The following RUNX1T1 variants were observed in gnomAD, a reference collection of about 807,000 sequenced individuals.
RUNX1T1 encodes protein CBFA2T1.
Under a neutral mutation model 62.8 loss-of-function variants are expected in RUNX1T1, and 4 were observed. That is an observed-to-expected ratio of 0.06 (90% CI 0.03 to 0.15). RUNX1T1 has a LOEUF of 0.15. RUNX1T1 is among the 10% of genes least tolerant of loss of function. RUNX1T1 has a pLI of 1.00. For synonymous variants in RUNX1T1, 291 were observed against 286.0 expected (o/e 1.02, Z -0.18); for missense variants, 508 against 754.3 (o/e 0.67, Z 3.82).
upstream of RUNX1T1, among the ~76,000 whole-genome samples, chr8:92,064,361 G>A (rs1000617328): frequency 2.6e-5 from 4 of 152,078 alleles, no homozygotes; most frequent in Admixed American, 2.6e-4. Context: ...ATAGTATACT[G>A]CACCCTATTT....
At chr8:92,025,456 C>T (rs1449830639) in intron 1 of RUNX1T1, among the ~76,000 whole-genome samples, 1 of 152,188 alleles carries the variant, frequency 6.6e-6, no homozygotes, top group Non-Finnish European at 1.5e-5. Context: ...GGCTTTCATA[C>T]TCACTGCATC....
At chr8:92,054,318 G>A (rs2130448826) in intron 1 of RUNX1T1, among the ~76,000 whole-genome samples, 1 of 152,208 alleles carries the variant, frequency 6.6e-6, no homozygotes, top group Non-Finnish European at 1.5e-5. Flanking sequence ...ATCAAGCATA[G>A]GCAAAACTCA....
intron 1 of RUNX1T1, among the ~76,000 whole-genome samples, chr8:92,026,560 G>A (rs1237064922): frequency 6.6e-6 from 1 of 152,254 alleles, no homozygotes; most frequent in Non-Finnish European, 1.5e-5. Context: ...AGTGGCTCAT[G>A]CCTGTAATCC....
At chr8:92,054,492 T>TA in intron 1 of RUNX1T1, among the ~76,000 whole-genome samples, 1 of 152,292 alleles carries the variant, frequency 6.6e-6, no homozygotes, top group South Asian at 2.1e-4. Flanking sequence ...CTACAATCAC[T>TA]ATTGCCATCC....
At chr8:91,982,943 T>G (rs1185709754) in intron 8 of RUNX1T1, among the ~76,000 whole-genome samples, 14 of 143,076 alleles carry the variant, frequency 9.8e-5, no homozygotes, top group Non-Finnish European at 1.5e-5. Flanking sequence ...TTTTTTTTTT[T>G]TGGAGACAGA....
intron 4 of RUNX1T1, among the ~76,000 whole-genome samples, chr8:92,007,092 G>C (rs1466981554): frequency 2.6e-5 from 4 of 152,122 alleles, no homozygotes; most frequent in Non-Finnish European, 4.4e-5. Context: ...TCAGTAAAGA[G>C]AGAGCTTAGA....
At chr8:92,006,396 G>A (rs1395620667) in intron 4 of RUNX1T1, 1 of 152,098 alleles carries the variant, frequency 6.6e-6, no homozygotes, top group Non-Finnish European at 1.5e-5. Flanking sequence ...TTTGCAACTT[G>A]AAGATTTCAT....
At chr8:92,102,865 G>A (rs1156828164), upstream of RUNX1T1, 28 of 1,522,430 alleles carry the variant, frequency 1.8e-5, no homozygotes, top group Middle Eastern at 1.7e-4. This position sits in a 1 kb window ranked among gnomAD's most constrained non-coding sequence, Gnocchi z 4.5. Flanking sequence ...ACACTGCACA[G>A]GGCCGGAGAG....
chr8:91,978,984 A>G (rs1049339179), intron 8 of RUNX1T1, among the ~76,000 whole-genome samples: 65 of 152,232 alleles, frequency 4.3e-4, no homozygotes, highest in African/African-American at 1.5e-3. Context: ...CCTACCTTCT[A>G]AAAGACAGTT....
chr8:92,011,210 G>T, intron 3 of RUNX1T1, 119 bp from the exon 5 acceptor site: 2 of 603,838 alleles, frequency 3.3e-6, no homozygotes, highest in South Asian at 4.2e-5. Flanking sequence ...CATACTGACA[G>T]AAACCAGTAT....
At chr8:92,047,679 A>T (rs1473644535) in intron 1 of RUNX1T1, among the ~76,000 whole-genome samples, 1 of 152,014 alleles carries the variant, frequency 6.6e-6, no homozygotes, top group Non-Finnish European at 1.5e-5. Flanking sequence ...ATCATAACTG[A>T]GCTACAGGGT....
intron 1 of RUNX1T1, among the ~76,000 whole-genome samples, chr8:92,040,584 C>G (rs1828256755): frequency 6.6e-6 from 1 of 152,188 alleles, no homozygotes; most frequent in African/African-American, 2.4e-5. Context: ...TGTTGCTGCA[C>G]CAGAACCTTC....
chr8:91,973,697 C>T (rs1298022499), intron 9 of RUNX1T1, among the ~76,000 whole-genome samples: 4 of 152,026 alleles, frequency 2.6e-5, no homozygotes, highest in African/African-American at 9.7e-5. Flanking sequence ...GCAGATGTCA[C>T]ATTCTGCCCT....
At chr8:92,032,268 G>C (rs1367353609) in intron 1 of RUNX1T1, among the ~76,000 whole-genome samples, 2 of 151,564 alleles carry the variant, frequency 1.3e-5, no homozygotes, top group Non-Finnish European at 2.9e-5. Flanking sequence ...TCTCATAGTA[G>C]TGAGAAAAAG....
chr8:92,002,830 T>C (rs1028050743), intron 5 of RUNX1T1, among the ~76,000 whole-genome samples: 1 of 152,114 alleles, frequency 6.6e-6, no homozygotes, highest in Non-Finnish European at 1.5e-5. Context: ...AAATTTCATA[T>C]AGTAGATCTG....
At chr8:91,961,105 C>T (rs1045626650) in intron 10 of RUNX1T1, among the ~76,000 whole-genome samples, 1 of 152,166 alleles carries the variant, frequency 6.6e-6, no homozygotes, top group Non-Finnish European at 1.5e-5. Flanking sequence ...TTCAGTGAAC[C>T]TTACAACCAA....
chr8:91,977,547 A>T (rs1236368157), intron 8 of RUNX1T1: 1 of 188,810 alleles, frequency 5.3e-6, no homozygotes, highest in Non-Finnish European at 1.1e-5. Context: ...CTATTTCCAG[A>T]AGAAATAAAG....
chr8:92,044,955 G>A (rs900194916), intron 1 of RUNX1T1, among the ~76,000 whole-genome samples: 1 of 151,966 alleles, frequency 6.6e-6, no homozygotes, highest in Non-Finnish European at 1.5e-5. Context: ...AATAGACCAG[G>A]TGCAGGGGCC....
At chr8:92,028,085 G>GA (rs1825569703) in intron 1 of RUNX1T1, among the ~76,000 whole-genome samples, 1 of 94,890 alleles carries the variant, frequency 1.1e-5, no homozygotes, top group Non-Finnish European at 2.0e-5. Context: ...ATGGGGGGGG[G>GA]GGTGGGAAGG....
Sources: allele counts gnomAD v4.1 joint callset (sites outside exome capture counted in the v4.1 genomes callset), GRCh38; gene constraint gnomAD v4.1.1; non-coding constraint Gnocchi (gnomAD v3.1); transcripts MANE v1.5; gene names NCBI Gene and HGNC (gene_info 2026-07-23, HGNC 2026-07-21).